The following CFAP54 variants were observed in gnomAD, a reference collection of about 807,000 sequenced individuals.
The protein encoded by CFAP54 is cilia and flagella associated protein 54.
CFAP54 carries 290 observed loss-of-function variants against 370.4 expected under a neutral mutation model. The ratio of observed to expected loss-of-function variants is 0.78; its 90% confidence interval spans 0.71 to 0.86. The LOEUF is 0.86. Ranked by LOEUF, CFAP54 falls within the 40% of genes least tolerant of loss-of-function variation. CFAP54 has a pLI of 0.00. For synonymous variants in CFAP54, 1,206 were observed against 1,236.5 expected, an observed-to-expected ratio of 0.98 and a Z score of 0.52; for missense variants, 3,399 against 3,528.7, an observed-to-expected ratio of 0.96 and a Z score of 0.93.
rs147040275 is a variant in CFAP54 at position 96,836,903 on chromosome 12, C to T, written c.9171+7815C>T. Among the ~76,000 whole-genome samples, 525 of 152,268 alleles carry T rather than the reference C, an allele frequency of 3.4e-3. 4 individuals carry two copies. Among genetic ancestry groups the T allele is most frequent in the African/African-American group, 0.012 (497 of 41,554 alleles). On this transcript the variant is annotated intron_variant, in intron 66 of 67. Coordinates refer to ENST00000524981, the MANE Select transcript of CFAP54 (RefSeq NM_001306084.2). ...AGTGCAGTGGTGTGATTATAGCTCC[C>T]TTTAACTTTAAACTCCTAGGCTCAA...
intron 46 of CFAP54, among the ~76,000 whole-genome samples, chr12:96,702,969 A>G (rs1325804395): frequency 1.3e-5 from 2 of 152,216 alleles, no homozygotes; most frequent in African/African-American, 4.8e-5. Flanking sequence ...CATCAAATCT[A>G]AAGTCCCATT....
intron 51 of CFAP54, among the ~76,000 whole-genome samples, chr12:96,741,004 A>G (rs866750997): frequency 2.0e-5 from 3 of 152,300 alleles, no homozygotes; most frequent in African/African-American, 7.2e-5. Context: ...AATGTGACCT[A>G]TCTTTTCATT....
intron 9 of CFAP54, among the ~76,000 whole-genome samples, chr12:96,532,105 A>G (rs1955446410): frequency 6.6e-6 from 1 of 152,088 alleles, no homozygotes; most frequent in Admixed American, 6.6e-5. Context: ...TGTTTCTAAT[A>G]TCCTCTTTTA....
chr12:96,841,538 TAAAG>T (rs538084302), intron 66 of CFAP54, among the ~76,000 whole-genome samples: 2,556 of 152,294 alleles, frequency 0.017, 39 homozygotes, highest in African/African-American at 0.035. Context: ...TTTAAATAAA[TAAAG>T]AAGAAGCAGG....
intron 2 of CFAP54, among the ~76,000 whole-genome samples, chr12:96,503,221 T>A (rs1188098787): frequency 7.2e-6 from 1 of 138,650 alleles, no homozygotes; most frequent in Non-Finnish European, 1.6e-5. Flanking sequence ...TTCCTTTCCT[T>A]TTTTTTCCTT....
chr12:96,520,436 C>G (rs566903368), intron 6 of CFAP54, among the ~76,000 whole-genome samples: 1 of 151,942 alleles, frequency 6.6e-6, no homozygotes, highest in Non-Finnish European at 1.5e-5. Context: ...CCCAGCTACT[C>G]GGGAGGCTGA....
intron 50 of CFAP54, among the ~76,000 whole-genome samples, chr12:96,733,303 G>T (rs1276306389): frequency 1.3e-5 from 2 of 152,054 alleles, no homozygotes; most frequent in African/African-American, 4.8e-5. Flanking sequence ...GAGAGTGTTG[G>T]ACAGTCCCTT....
chr12:96,860,677 T>A, intron 66 of CFAP54, 142 bp from the exon 67 acceptor site: 1 of 719,692 alleles, frequency 1.4e-6, no homozygotes, highest in Non-Finnish European at 2.2e-6. Flanking sequence ...TTTAGAGGTA[T>A]GAAACTTTGT....
chr12:96,724,290 CAACAGTGTAAAAGTGTTCCTATT>C (rs527744388), intron 50 of CFAP54, among the ~76,000 whole-genome samples: 2,308 of 141,054 alleles, frequency 0.016, 54 homozygotes, highest in African/African-American at 0.057. Flanking sequence ...ACAGTCCCAC[CAACAGTGTAAAAGTGTTCCTATT>C]TCTCCACATC....
intron 57 of CFAP54, among the ~76,000 whole-genome samples, chr12:96,756,972 T>C (rs1190953207): frequency 1.3e-5 from 2 of 152,208 alleles, no homozygotes; most frequent in East Asian, 3.8e-4. Context: ...CACCTCAATA[T>C]TGAGTAAGCC....
chr12:96,849,071 C>T (rs1248354072), intron 66 of CFAP54, among the ~76,000 whole-genome samples: 6 of 152,030 alleles, frequency 3.9e-5, no homozygotes, highest in African/African-American at 9.7e-5. Flanking sequence ...TAAGTAAGCT[C>T]GTGTCATATT....
At chr12:96,504,107 A>G (rs1196192009) in intron 3 of CFAP54, 78 bp downstream of exon 3, 18 of 1,336,070 alleles carry the variant, frequency 1.3e-5, no homozygotes, top group Non-Finnish European at 1.6e-5. Flanking sequence ...CAGCTTCTAA[A>G]TGTCTTGTTG....
At chr12:96,590,529 A>T (rs1310180047) in intron 23 of CFAP54, among the ~76,000 whole-genome samples, 1 of 152,240 alleles carries the variant, frequency 6.6e-6, no homozygotes. Flanking sequence ...TTAAATATGC[A>T]AATATTGCTT....
chr12:96,767,622 T>C (rs1038501816), intron 60 of CFAP54, among the ~76,000 whole-genome samples: 1 of 152,218 alleles, frequency 6.6e-6, no homozygotes, highest in African/African-American at 2.4e-5. Flanking sequence ...TTAATTCATG[T>C]TGATGACTTC....
chr12:96,618,971 C>T (rs1328511127), intron 26 of CFAP54, among the ~76,000 whole-genome samples: 2 of 152,128 alleles, frequency 1.3e-5, no homozygotes, highest in African/African-American at 4.8e-5. Flanking sequence ...CTCAAGCAAT[C>T]CTCGCATATC....
chr12:96,522,725 C>T (rs559651437), intron 8 of CFAP54, among the ~76,000 whole-genome samples: 68 of 152,264 alleles, frequency 4.5e-4, no homozygotes, highest in African/African-American at 1.6e-3. Flanking sequence ...AGGGGCTCTG[C>T]CTTACAAAAG....
At chr12:96,591,024 T>C (rs1429555365) in intron 23 of CFAP54, among the ~76,000 whole-genome samples, 3 of 152,132 alleles carry the variant, frequency 2.0e-5, no homozygotes, top group African/African-American at 4.8e-5. Context: ...AAGGCCGGAA[T>C]TGAACCCTAG....
At chr12:96,490,029 G>A (rs1954861197) in intron 1 of CFAP54, 103 bp downstream of exon 1, 2 of 1,114,398 alleles carry the variant, frequency 1.8e-6, no homozygotes, top group South Asian at 1.6e-5. Context: ...TCAGCGTTGC[G>A]GACGCAGGGG....
intron 48 of CFAP54, among the ~76,000 whole-genome samples, chr12:96,713,991 T>C (rs974393151): frequency 5.3e-5 from 8 of 152,134 alleles, no homozygotes; most frequent in Admixed American, 2.6e-4. Flanking sequence ...TCTGAGTGAG[T>C]TGGAATACCA....
Sources: gnomAD v4.1 joint callset for allele counts (sites outside exome capture counted in the v4.1 genomes callset) on GRCh38, gnomAD v4.1.1 for gene constraint, MANE v1.5 for transcripts, NCBI Gene and HGNC (gene_info 2026-07-23, HGNC 2026-07-21) for gene names.